Variants in PREX1 observed in about 807,000 individuals in gnomAD.
PREX1 encodes the protein phosphatidylinositol-3,4,5-trisphosphate dependent Rac exchange factor 1.
PREX1 carries 41 observed loss-of-function variants against 198.3 expected under a neutral mutation model. That is an observed-to-expected ratio of 0.21 (90% confidence interval 0.16 to 0.27). The LOEUF is 0.27. Among genes scored for constraint, PREX1 ranks in the 10% least tolerant of loss-of-function variants. The pLI, the probability that PREX1 is intolerant of heterozygous loss-of-function variation, is 1.00. For synonymous variants in PREX1, 843 were observed against 887.2 expected (o/e 0.95, Z 0.89); for missense variants, 1,620 against 2,200.7 (o/e 0.74, Z 5.28).
At chr20:48,879,838 C>T in the PREX1 span, among the ~76,000 whole-genome samples, 2 of 152,218 alleles carry the variant, frequency 1.3e-5, no homozygotes, top group East Asian at 1.9e-4. Flanking sequence ...TTTACAGAGC[C>T]TCTACCCTTA....
At chr20:48,725,016 T>C (rs1159965313) in intron 5 of PREX1, among the ~76,000 whole-genome samples, 1 of 152,140 alleles carries the variant, frequency 6.6e-6, no homozygotes, top group African/African-American at 2.4e-5. Flanking sequence ...GAGAGCTGCG[T>C]CCCACCCCCA....
In PREX1 at chr20:48,691,553, C is replaced by T. The variant is rs571872575; in HGVS notation, c.1037-457G>A. On this transcript the variant is annotated intron_variant, in intron 8 of 39. Coordinates refer to ENST00000371941, the MANE Select transcript of PREX1 (RefSeq NM_020820.4). The surrounding 1 kb of genome is among the most constrained non-coding windows in gnomAD (Gnocchi z 5.0). ...AACAGATTGGCATGATCTAGGGAAGCGAAAGCCTGAATCTGAGGAGGGCTC... is the reference window on the plus strand; with the variant it reads ...AACAGATTGGCATGATCTAGGGAAGTGAAAGCCTGAATCTGAGGAGGGCTC... Among the ~76,000 whole-genome samples, 107 of 152,278 alleles carry T rather than the reference C, an allele frequency of 7.0e-4. 1 individual carries two copies. The highest frequency in any genetic ancestry group is 2.3e-3 in the African/African-American group (97 of 41,546).
chr20:48,704,375 A>G (rs1490231585), intron 6 of PREX1, among the ~76,000 whole-genome samples: 1 of 152,170 alleles, frequency 6.6e-6, no homozygotes, highest in Non-Finnish European at 1.5e-5. Flanking sequence ...GGTAGGAAAA[A>G]AATATGAGAG....
intron 5 of PREX1, among the ~76,000 whole-genome samples, chr20:48,723,865 C>A (rs1330783193): frequency 6.6e-6 from 1 of 152,170 alleles, no homozygotes; most frequent in Non-Finnish European, 1.5e-5. Flanking sequence ...GGTCCAGCGA[C>A]ACCATGTGTT....
At chr20:48,876,323 C>G in the PREX1 span, among the ~76,000 whole-genome samples, 1 of 152,216 alleles carries the variant, frequency 6.6e-6, no homozygotes, top group Admixed American at 6.5e-5. Context: ...CCTCTGGAGA[C>G]AGTTCTGTCT....
At chr20:48,647,304 CGAGATCAA>C (rs1247037856) in intron 25 of PREX1, among the ~76,000 whole-genome samples, 1 of 152,008 alleles carries the variant, frequency 6.6e-6, no homozygotes, top group African/African-American at 2.4e-5. Flanking sequence ...GGGTGGGTCA[CGAGATCAA>C]GAGATCAAGA....
At chr20:48,810,250 G>A (rs1335659617) in intron 1 of PREX1, among the ~76,000 whole-genome samples, 8 of 151,434 alleles carry the variant, frequency 5.3e-5, no homozygotes, top group Non-Finnish European at 1.2e-4. Flanking sequence ...GCAAGGGTTA[G>A]AAGAAACATT....
intron 1 of PREX1, among the ~76,000 whole-genome samples, chr20:48,780,349 G>A (rs1601131941): frequency 6.6e-6 from 1 of 152,164 alleles, no homozygotes. Context: ...CAGGTGCAGT[G>A]GCTCACACCT....
intron 18 of PREX1, 89 bp from the exon 19 acceptor site, chr20:48,655,464 G>T: frequency 1.7e-6 from 2 of 1,168,178 alleles, no homozygotes; most frequent in Non-Finnish European, 2.3e-6. Context: ...GAGACTTTCT[G>T]CCTTGGAAAC....
chr20:48,736,085 A>C (rs1388899273), intron 3 of PREX1, among the ~76,000 whole-genome samples: 1 of 152,158 alleles, frequency 6.6e-6, no homozygotes, highest in Non-Finnish European at 1.5e-5. Flanking sequence ...TTCAACACTT[A>C]GGATGCTGGA....
At chr20:48,746,593 G>A (rs940418446) in intron 2 of PREX1, among the ~76,000 whole-genome samples, 1 of 152,156 alleles carries the variant, frequency 6.6e-6, no homozygotes, top group African/African-American at 2.4e-5. Flanking sequence ...ATTACCTTTA[G>A]GGAGGGAGGA....
chr20:48,771,793 C>T (rs1285741667), intron 1 of PREX1, among the ~76,000 whole-genome samples: 1 of 152,214 alleles, frequency 6.6e-6, no homozygotes, highest in African/African-American at 2.4e-5. Flanking sequence ...CATAAATCCT[C>T]ACCACAGCCC....
chr20:48,635,770 G>A (rs1375425371), intron 32 of PREX1, among the ~76,000 whole-genome samples: 1 of 152,202 alleles, frequency 6.6e-6, no homozygotes, highest in East Asian at 1.9e-4. Flanking sequence ...GTCAGCTTCA[G>A]GCCCCCAGCT....
the PREX1 span, among the ~76,000 whole-genome samples, chr20:48,861,788 A>G: frequency 1.3e-5 from 2 of 152,150 alleles, no homozygotes; most frequent in African/African-American, 4.8e-5. Context: ...TGCAAGCCCC[A>G]CTGGCACCCC....
Position 48,778,855 on chromosome 20 carries a change from T to C in PREX1, c.220-30975A>G, listed in dbSNP as rs1037102908. Among the ~76,000 whole-genome samples the C allele has an allele frequency of 2.0e-5, 3 of 152,250 alleles. No homozygotes were observed. In the East Asian group the frequency reaches 5.8e-4, roughly 29 times the overall value. ...ACCTCAACCTAAACTACACACTTCA[T>C]ACAAAAGTAAACTCAAAATGGATCA... On this transcript the variant is annotated intron_variant, in intron 1 of 39. Coordinates refer to ENST00000371941, the MANE Select transcript of PREX1 (RefSeq NM_020820.4).
At chr20:48,847,893 C>T in the PREX1 span, among the ~76,000 whole-genome samples, 1 of 152,202 alleles carries the variant, frequency 6.6e-6, no homozygotes, top group African/African-American at 2.4e-5. Context: ...TGGTTTCTTT[C>T]ACTCAACATA....
the PREX1 span, among the ~76,000 whole-genome samples, chr20:48,862,237 A>G: frequency 6.6e-6 from 1 of 152,064 alleles, no homozygotes; most frequent in Admixed American, 6.6e-5. Flanking sequence ...ATAAAATAAA[A>G]AAGCAAAAAC....
chr20:48,876,518 T>C, the PREX1 span, among the ~76,000 whole-genome samples: 1 of 152,034 alleles, frequency 6.6e-6, no homozygotes, highest in Non-Finnish European at 1.5e-5. Context: ...GTGGGATGGG[T>C]GGTGGTTGAG....
At chr20:48,805,903 G>T (rs539337513) in intron 1 of PREX1, among the ~76,000 whole-genome samples, 1 of 152,316 alleles carries the variant, frequency 6.6e-6, no homozygotes, top group African/African-American at 2.4e-5. Context: ...GGCAAATACA[G>T]AAACACTTCC....
Sources: allele counts gnomAD v4.1 joint callset (sites outside exome capture counted in the v4.1 genomes callset), GRCh38; gene constraint gnomAD v4.1.1; non-coding constraint Gnocchi (gnomAD v3.1); transcripts MANE v1.5; gene names NCBI Gene and HGNC (gene_info 2026-07-23, HGNC 2026-07-21).